Variants in PACRG observed in about 807,000 individuals in gnomAD.
The protein encoded by PACRG is parkin coregulated gene protein.
A neutral mutation model predicts 29.7 loss-of-function variants in PACRG; 29 were observed. That is an observed-to-expected ratio of 0.98 (90% confidence interval 0.73 to 1.33). The LOEUF is 1.33. Among genes scored for constraint, PACRG ranks in the 40% most tolerant of loss-of-function variants. PACRG has a pLI of 0.00. For missense variants in PACRG, 279 were observed against 316.2 expected, an observed-to-expected ratio of 0.88 and a Z score of 0.89; for synonymous variants, 116 against 118.7, an observed-to-expected ratio of 0.98 and a Z score of 0.15.
At position 163,055,789 on chromosome 6, in the gene PACRG, C is replaced by T. The variant is rs972869884; in HGVS notation, c.292-6361C>T. On this transcript the variant is annotated intron_variant, in intron 2 of 4. Transcript: ENST00000366888. This position sits in a 1 kb window ranked among gnomAD's most constrained non-coding sequence, Gnocchi z 4.0. ...TGTGACCATGACCACCATCTAGTTC[C>T]AGAACTTTTTCATCACCCCACATGG... 2.0e-5 allele frequency among the ~76,000 whole-genome samples: 3 copies of T among 152,116 alleles called. No individual in the cohort carries two copies. The highest frequency in any genetic ancestry group is 7.2e-5 in the African/African-American group (3 of 41,390).
chr6:163,102,916 G>T (rs1211256861), intron 4 of PACRG, among the ~76,000 whole-genome samples: 1 of 152,224 alleles, frequency 6.6e-6, no homozygotes, highest in Non-Finnish European at 1.5e-5. Context: ...GTTACTAAAT[G>T]TAAATTCCAT....
Position 163,127,443 on chromosome 6 carries a change from C to T in PACRG, c.613+38035C>T, listed in dbSNP as rs138983343. 6.9e-4 allele frequency among the ~76,000 whole-genome samples: 105 copies of T among 152,260 alleles called. 1 individual carries two copies. In the South Asian group the frequency reaches 0.013, roughly 20 times the overall value. On this transcript the variant is annotated intron_variant, in intron 4 of 4. Transcript: ENST00000366888. ...AAGCTGTAGCTTCCTTCTGCTGAGA[C>T]TTGAAGCCCCATGAAGGACAGACTT...
intron 2 of PACRG, among the ~76,000 whole-genome samples, chr6:162,824,020 C>T (rs1340436763): frequency 6.6e-6 from 1 of 152,110 alleles, no homozygotes; most frequent in Non-Finnish European, 1.5e-5. Flanking sequence ...ACACAAACAC[C>T]TATAATCCCT....
chr6:163,176,077 G>A (rs562788475), intron 4 of PACRG, among the ~76,000 whole-genome samples: 65 of 152,250 alleles, frequency 4.3e-4, no homozygotes, highest in African/African-American at 1.5e-3. Context: ...GACCCGTTAA[G>A]AGCAATTGTA....
intron 4 of PACRG, chr6:163,191,910 C>G: frequency 2.6e-6 from 1 of 382,844 alleles, no homozygotes; most frequent in Non-Finnish European, 5.3e-6. Context: ...TTCCTGAAGA[C>G]TGTCCTGCTC....
chr6:163,258,887 A>T (rs1234217295), intron 4 of PACRG, among the ~76,000 whole-genome samples: 1 of 152,222 alleles, frequency 6.6e-6, no homozygotes, highest in Non-Finnish European at 1.5e-5. Context: ...AGCTTTCGGT[A>T]TCAACATCAT....
chr6:162,953,060 C>T (rs1799770430), intron 2 of PACRG, among the ~76,000 whole-genome samples: 2 of 152,098 alleles, frequency 1.3e-5, no homozygotes, highest in South Asian at 4.1e-4. Context: ...TATTATTTAG[C>T]TATTTTTTAA....
At chr6:162,738,684 A>T (rs1251702947) in intron 1 of PACRG, among the ~76,000 whole-genome samples, 2 of 152,168 alleles carry the variant, frequency 1.3e-5, no homozygotes, top group East Asian at 3.8e-4. Flanking sequence ...AAGGAATGTA[A>T]TATTTTAACT....
chr6:163,154,048 G>A, intron 4 of PACRG, among the ~76,000 whole-genome samples: 1 of 152,190 alleles, frequency 6.6e-6, no homozygotes, highest in Non-Finnish European at 1.5e-5. Flanking sequence ...TTAAGAGTCT[G>A]TGGAAAGAGG....
chr6:163,095,281 A>T (rs1347893603), intron 4 of PACRG: 13 of 985,134 alleles, frequency 1.3e-5, no homozygotes, highest in Non-Finnish European at 1.6e-5. Context: ...GCATCAGGGG[A>T]GTGGGGTCAG....
chr6:163,261,475 C>T (rs939500018), intron 4 of PACRG, among the ~76,000 whole-genome samples: 8 of 152,130 alleles, frequency 5.3e-5, no homozygotes, highest in African/African-American at 1.9e-4. Flanking sequence ...CCCTCATACC[C>T]TCTTTGCTGG....
intron 4 of PACRG, among the ~76,000 whole-genome samples, chr6:163,216,997 A>G (rs923559068): frequency 1.3e-5 from 2 of 152,220 alleles, no homozygotes; most frequent in Non-Finnish European, 2.9e-5. Flanking sequence ...TCCATGAGGA[A>G]CTTTGAAATA....
chr6:163,107,608 G>T (rs1168497820), intron 4 of PACRG, among the ~76,000 whole-genome samples: 1 of 152,104 alleles, frequency 6.6e-6, no homozygotes, highest in Non-Finnish European at 1.5e-5. Flanking sequence ...CCCACTGGGG[G>T]CTTCATTTGG....
chr6:162,909,721 T>C (rs563412598), intron 2 of PACRG, among the ~76,000 whole-genome samples: 3 of 152,212 alleles, frequency 2.0e-5, no homozygotes, highest in African/African-American at 7.2e-5. Flanking sequence ...TTATAATATT[T>C]GATGGTGGGG....
At chr6:162,999,896 C>A (rs1003452607) in intron 2 of PACRG, among the ~76,000 whole-genome samples, 5 of 152,168 alleles carry the variant, frequency 3.3e-5, no homozygotes, top group African/African-American at 1.2e-4. Flanking sequence ...GAGAACCTAA[C>A]ATATTACTTT....
chr6:163,269,944 AAAGAAAG>A lies in PACRG; in HGVS notation c.614-44880_614-44874del, dbSNP rs1562350086. 1.4e-3 allele frequency among the ~76,000 whole-genome samples: 52 copies of A among 36,260 alleles called. 1 individual carries two copies. Among genetic ancestry groups the A allele is most frequent in the South Asian group, 0.012 (11 of 898 alleles). The allele number at this position is 36,260 out of a possible 152,430, so 23.8% of individuals were successfully genotyped here. ...AAAGAAAGAAAACAAAGAAAGAAAG[AAAGAAAG>A]AAAGAAAGAAAGAAAGAAAGAAAGA... On this transcript the variant is annotated intron_variant, in intron 4 of 4. Coordinates refer to ENST00000366888, the MANE Select transcript of PACRG (RefSeq NM_001080379.2).
intron 2 of PACRG, among the ~76,000 whole-genome samples, chr6:163,047,934 T>G (rs1164283896): frequency 6.6e-6 from 1 of 152,246 alleles, no homozygotes; most frequent in African/African-American, 2.4e-5. Flanking sequence ...TTTATTATCT[T>G]AAAGTGTTTG....
Position 163,119,833 on chromosome 6 carries a change from T to TTTG in PACRG, c.613+30441_613+30443dup, listed in dbSNP as rs544816251. ...TAATTTCAACATCATTTTATGTATTTTTGTTGTTGTTGTTGTTGGTTTGTT... is the reference window on the plus strand; with the variant it reads ...TAATTTCAACATCATTTTATGTATTTTTGTTGTTGTTGTTGTTGTTGGTTTGTT... On this transcript the variant is annotated intron_variant, in intron 4 of 4. Transcript: ENST00000366888. Among the ~76,000 whole-genome samples, 144 of 152,228 alleles carry TTTG rather than the reference T, an allele frequency of 9.5e-4. 1 individual carries two copies. The highest frequency in any genetic ancestry group is 3.3e-3 in the African/African-American group (136 of 41,544).
chr6:163,103,328 G>A (rs1585217454), intron 4 of PACRG, among the ~76,000 whole-genome samples: 1 of 152,070 alleles, frequency 6.6e-6, no homozygotes, highest in East Asian at 1.9e-4. Context: ...TGCTAGAGGC[G>A]GCCCACATTC....
Sources: allele counts gnomAD v4.1 joint callset (sites outside exome capture counted in the v4.1 genomes callset), GRCh38; gene constraint gnomAD v4.1.1; non-coding constraint Gnocchi (gnomAD v3.1); transcripts MANE v1.5; gene names NCBI Gene and HGNC (gene_info 2026-07-23, HGNC 2026-07-21).